CACNA1F: variants seen among roughly 807,000 people sequenced by gnomAD.
CACNA1F encodes the protein calcium voltage-gated channel subunit alpha1 F.
A neutral mutation model predicts 143.8 loss-of-function variants in CACNA1F; 59 were observed. That is an observed-to-expected ratio of 0.41 (90% CI 0.33 to 0.51). The LOEUF (loss-of-function observed/expected upper bound fraction) is 0.51, where lower values mean the gene tolerates loss of function less well. CACNA1F is among the 20% of genes least tolerant of loss of function. The pLI is 0.22. For missense variants in CACNA1F, 1,411 were observed against 1,647.5 expected (o/e 0.86, Z 2.48); for synonymous variants, 643 against 649.1 (o/e 0.99, Z 0.14).
intron 44 of CACNA1F, 67 bp downstream of exon 44, chrX:49,206,938 C>G: frequency 1.8e-6 from 2 of 1,119,325 alleles, no homozygotes; most frequent in Admixed American, 2.3e-5. Context: ...CAGTCCTCCC[C>G]GACCCAGTTC....
rs373546782 is a variant in CACNA1F at position 49,207,065 on chromosome X, G to A, written c.5171C>T (p.Ser1724Phe). The A allele has an allele frequency of 1.2e-4, 149 of 1,201,139 alleles. No individual in the cohort carries two copies. Among genetic ancestry groups the A allele is most frequent in the Non-Finnish European group, 1.6e-4 (139 of 890,150 alleles). The part of the protein sequence containing the change: ...LIFTIPEEGN[S>F]QPKGTKGQNK... ...TTGCCCTTTGGTTCCCTTGGGCTGA[G>A]AATTTCCTTCTTCTGGGATGGTGAA... Residue 1724 changes from serine to phenylalanine, a missense_variant, in exon 44 of 48, where the codon TCT becomes TTT. Ser to Phe is a radical substitution (Grantham distance 155). Transcript: ENST00000323022.
Position 49,219,733 on chromosome X carries a change from C to A in CACNA1F, c.2444G>T (p.Gly815Val), listed in dbSNP as rs781938466. Residue 815 changes from glycine to valine, a missense_variant, in exon 20 of 48, where the codon GGT (glycine) becomes GTT (valine). Gly to Val is a moderately radical substitution (Grantham distance 109). This residue lies in a region of CACNA1F where 950 missense variants were observed against 1,128.1 expected (regional missense o/e 0.84). Transcript: ENST00000323022. ...CTGCAGGAGTTCCACACCCCCTGCA[C>A]CCTCTTCCTCTTCTTCCTCTTCTTC... is the stretch of plus-strand genomic sequence containing the variant. Reference protein sequence around the residue: ...EEEEEEEEEEGAGGVELLQEV... With the variant: ...EEEEEEEEEEVAGGVELLQEV... 88 of 1,180,407 alleles carry A rather than the reference C, an allele frequency of 7.5e-5. No individual in the cohort carries two copies. Among genetic ancestry groups the A allele is most frequent in the Non-Finnish European group, 9.6e-5 (84 of 879,212 alleles).
intron 2 of CACNA1F, 102 bp downstream of exon 2, chrX:49,231,576 T>C: frequency 9.4e-7 from 1 of 1,062,451 alleles, no homozygotes; most frequent in South Asian, 1.9e-5. Context: ...CTCTTGACCT[T>C]GATGATCTCA....
chrX:49,216,606 G>A, intron 26 of CACNA1F, 78 bp from the exon 27 acceptor site: 1 of 935,409 alleles, frequency 1.1e-6, no homozygotes, highest in Non-Finnish European at 1.5e-6. Flanking sequence ...CCAGCATGGA[G>A]GCAGCAGGAC....
intron 43 of CACNA1F, among the ~76,000 whole-genome samples, chrX:49,207,862 T>C (rs1163915018): frequency 2.7e-5 from 3 of 109,354 alleles, no homozygotes; most frequent in Non-Finnish European, 5.7e-5. Context: ...TGCTTTGTCA[T>C]CCCCCTTAAA....
chrX:49,212,816 G>A, intron 32 of CACNA1F, 21 bp from the exon 33 acceptor site: 1 of 1,208,014 alleles, frequency 8.3e-7, no homozygotes, highest in Non-Finnish European at 1.1e-6. Flanking sequence ...GGGTGCAGTA[G>A]GGATGCTCAG....
intron 22 of CACNA1F, 53 bp downstream of exon 22, chrX:49,218,829 G>A (rs2065745351): frequency 1.6e-5 from 18 of 1,104,533 alleles, no homozygotes; most frequent in East Asian, 9.1e-5. Flanking sequence ...TGCAAGAACC[G>A]GTGGGGAGAG....
In CACNA1F at chrX:49,224,775, G is replaced by T; in HGVS notation, c.1863C>A (p.Ile621=). 8.5e-7 allele frequency: 1 copy of T among 1,173,282 alleles called. No homozygotes were observed. The highest frequency in any genetic ancestry group is 1.1e-6 in the Non-Finnish European group (1 of 872,732). ...CTAATACAAACCTGGTGACCTTAAA[G>T]ATCCTGAGGAGGCGCACACATCGGA... The part of the protein sequence containing the change: ...SVLRCVRLLR[I]FKVTRHWASL... Residue 621 remains isoleucine, a synonymous_variant, in exon 14 of 48, where the codon ATC becomes ATA. Transcript: ENST00000323022.
intron 14 of CACNA1F, among the ~76,000 whole-genome samples, chrX:49,223,675 G>A (rs1441812796): frequency 1.5e-4 from 16 of 104,613 alleles, no homozygotes; most frequent in African/African-American, 5.2e-4. Flanking sequence ...AGGGTTGGTG[G>A]TAGGGGTATA....
intron 31 of CACNA1F, among the ~76,000 whole-genome samples, chrX:49,213,532 G>A (rs2065679142): frequency 8.9e-6 from 1 of 112,102 alleles, no homozygotes; most frequent in African/African-American, 3.2e-5. Flanking sequence ...CAATGGATGG[G>A]GGATGTAGAG....
At chrX:49,210,523 C>T (rs2065646577) in intron 38 of CACNA1F, 67 bp downstream of exon 38, 2 of 1,059,396 alleles carry the variant, frequency 1.9e-6, no homozygotes, top group Non-Finnish European at 1.3e-6. Context: ...CAAGGCAGAT[C>T]CCTTCCCACC....
chrX:49,222,684 A>G (rs1557108962), intron 16 of CACNA1F, 34 bp downstream of exon 16: 16 of 1,211,023 alleles, frequency 1.3e-5, no homozygotes, highest in African/African-American at 1.7e-5. Context: ...CCCCGACTCC[A>G]CCATCATCCA....
intron 30 of CACNA1F, 70 bp downstream of exon 30, chrX:49,214,089 G>C (rs1289285031): frequency 1.3e-6 from 1 of 777,936 alleles, no homozygotes; most frequent in African/African-American, 2.0e-5. Context: ...GCCAACCCCA[G>C]AGCTCTGCAA....
rs782524571 is a variant in CACNA1F at position 49,231,811 on chromosome X, G to T, written c.142C>A (p.Pro48Thr). 86 of 1,205,896 alleles carry T rather than the reference G, an allele frequency of 7.1e-5. No individual in the cohort carries two copies. The highest frequency in any genetic ancestry group is 4.6e-4 in the Middle Eastern group (2 of 4,346). ...TTGCTGTGCTGGTTTCTTCGCTTAG[G>T]GGTCCCTAGGCCTGATGCCCCACTG... is the stretch of plus-strand genomic sequence containing the variant. ...ESSGASGLGT[P>T]KRRNQHSKHK... The change falls in exon 2 of 48, where the codon CCT becomes ACT. Residue 48 changes from proline to threonine, a missense_variant. This residue lies in a region of CACNA1F where 950 missense variants were observed against 1,128.1 expected (regional missense o/e 0.84). Coordinates refer to ENST00000323022, the MANE Select transcript of CACNA1F (RefSeq NM_001256789.3).
At chrX:49,209,560 A>T in intron 41 of CACNA1F, 69 bp downstream of exon 41, 1 of 1,188,778 alleles carries the variant, frequency 8.4e-7, no homozygotes, top group Admixed American at 2.2e-5. Context: ...CACAAGATCA[A>T]AATGGGGGTC....
Position 49,216,312 on chromosome X carries a change from G to A in CACNA1F, c.3236+70C>T, listed in dbSNP as rs781922406. The stretch of plus-strand genomic sequence containing the variant: ...CAAGGTACACTCCCACCCATTCCCA[G>A]GAGATCCCAACCCAATCCTGCAGAG... On this transcript the variant is annotated intron_variant, in intron 27 of 47. Transcript: ENST00000323022. 3.6e-6 allele frequency: 4 copies of A among 1,110,517 alleles called. No homozygotes were observed. In the African/African-American group the frequency reaches 7.2e-5, roughly 20 times the overall value. The allele number at this position is 1,110,517 out of a possible 1,213,427, so 91.5% of individuals were successfully genotyped here. A position where few individuals can be genotyped will look rare whatever the true frequency, so the allele number is the denominator to read the frequency against.
Position 49,228,360 on chromosome X carries a change from C to G in CACNA1F, c.905G>C (p.Arg302Pro). Reference sequence around the variant, plus strand: ...GATGCCTCCATTGGGCCCTGGCCAGCGCCCGCGGCACTCAGTCTGGTTCAG... The same window carrying G: ...GATGCCTCCATTGGGCCCTGGCCAGGGCCCGCGGCACTCAGTCTGGTTCAG... ...CTLNQTECRG[R>P]WPGPNGGITN... The change falls in exon 7 of 48, where the codon CGC (arginine) becomes CCC (proline). Residue 302 changes from arginine to proline, a missense_variant. Physicochemically the swap from Arg to Pro is moderately radical, Grantham distance 103. Transcript: ENST00000323022. 8.3e-7 allele frequency: 1 copy of G among 1,209,511 alleles called. No individual in the cohort carries two copies. Among genetic ancestry groups the G allele is most frequent in the South Asian group, 1.8e-5 (1 of 56,809 alleles).
At chrX:49,218,346 C>A (rs782243984) in intron 24 of CACNA1F, 109 bp downstream of exon 24, 32 of 608,392 alleles carry the variant, frequency 5.3e-5, no homozygotes, top group Non-Finnish European at 7.6e-5. Flanking sequence ...TGTGTCAGGT[C>A]CAGGCCGTAT....
chrX:49,209,423 C>T, intron 41 of CACNA1F, 30 bp from the exon 42 acceptor site: 1 of 1,202,514 alleles, frequency 8.3e-7, no homozygotes, highest in Non-Finnish European at 1.1e-6. Flanking sequence ...GGTAAGCAGG[C>T]AGCTCAGGGT....
Sources: gnomAD v4.1 joint callset for allele counts (sites outside exome capture counted in the v4.1 genomes callset) on GRCh38, gnomAD v4.1.1 for gene constraint, gnomAD v4.1.1 regional missense constraint, MANE v1.5 for transcripts, NCBI Gene and HGNC (gene_info 2026-07-23, HGNC 2026-07-21) for gene names.